NSUN6: variants seen among roughly 807,000 people sequenced by gnomAD.
NSUN6 encodes the protein NOP2/Sun RNA methyltransferase 6.
In NSUN6, 64 loss-of-function variants were observed where a neutral mutation model predicts 58.0. That is an observed-to-expected ratio of 1.10 (90% CI 0.90 to 1.36). The LOEUF (loss-of-function observed/expected upper bound fraction) is 1.36. Ranked by LOEUF, NSUN6 falls within the 40% of genes most tolerant of loss-of-function variation. The pLI is 0.00. For synonymous variants in NSUN6, 231 were observed against 193.9 expected (o/e 1.19, Z -1.59); for missense variants, 701 against 550.1 (o/e 1.27, Z -2.74).
intron 3 of NSUN6, among the ~76,000 whole-genome samples, chr10:18,639,390 A>T (rs990160252): frequency 3.3e-5 from 5 of 152,168 alleles, no homozygotes; most frequent in African/African-American, 1.2e-4. Flanking sequence ...GCTACTCGGG[A>T]GGCTGAGTCA....
chr10:18,604,698 A>T (rs2057979374), intron 6 of NSUN6, among the ~76,000 whole-genome samples: 1 of 151,720 alleles, frequency 6.6e-6, no homozygotes, highest in Non-Finnish European at 1.5e-5. Flanking sequence ...AGCCTGGCCA[A>T]CATATAGTGA....
chr10:18,636,500 C>A (rs1003912195), intron 3 of NSUN6, among the ~76,000 whole-genome samples: 2 of 149,826 alleles, frequency 1.3e-5, no homozygotes, highest in African/African-American at 2.5e-5. Context: ...ATCTCAAAAA[C>A]AAAACAAAAC....
intron 3 of NSUN6, among the ~76,000 whole-genome samples, chr10:18,626,905 C>G (rs2058830465): frequency 6.6e-6 from 1 of 152,188 alleles, no homozygotes; most frequent in South Asian, 2.1e-4. Flanking sequence ...AATGTTCTGG[C>G]CTGCTTGAAC....
At chr10:18,593,785 T>C (rs968700875) in intron 7 of NSUN6, among the ~76,000 whole-genome samples, 2 of 151,826 alleles carry the variant, frequency 1.3e-5, no homozygotes, top group African/African-American at 4.8e-5. Context: ...GATAACGGGT[T>C]GATAGGTACA....
intron 1 of NSUN6, 151 bp from the exon 2 acceptor site, chr10:18,648,796 G>A (rs2131600414): frequency 2.0e-6 from 1 of 510,268 alleles, no homozygotes; most frequent in Non-Finnish European, 3.5e-6. Flanking sequence ...TAGCAACTAA[G>A]GAAATAGTAA....
chr10:18,586,120 C>CAA, intron 7 of NSUN6, 27 bp from the exon 8 acceptor site: 1 of 1,371,084 alleles, frequency 7.3e-7, no homozygotes, highest in Non-Finnish European at 9.7e-7. Flanking sequence ...CACACACATG[C>CAA]AGAAAAAAAA....
intron 8 of NSUN6, among the ~76,000 whole-genome samples, chr10:18,553,111 A>G (rs1413039019): frequency 2.0e-5 from 3 of 148,482 alleles, no homozygotes; most frequent in African/African-American, 7.5e-5. Flanking sequence ...TCTCCATTCC[A>G]TTCCGTTCGA....
chr10:18,594,567 G>C (rs1378681686), intron 7 of NSUN6, among the ~76,000 whole-genome samples: 1 of 152,000 alleles, frequency 6.6e-6, no homozygotes, highest in African/African-American at 2.4e-5. Flanking sequence ...TCCTGCCTCA[G>C]CCTCCCAAGT....
chr10:18,585,910 G>C, intron 8 of NSUN6, 39 bp downstream of exon 8: 1 of 1,470,818 alleles, frequency 6.8e-7, no homozygotes, highest in Non-Finnish European at 9.3e-7. Context: ...ACAAATATAT[G>C]ATCTGTCAAT....
chr10:18,577,190 C>T (rs2056693285), intron 8 of NSUN6, among the ~76,000 whole-genome samples: 2 of 152,160 alleles, frequency 1.3e-5, no homozygotes, highest in Admixed American at 6.5e-5. Flanking sequence ...CAGCCTTAGA[C>T]ATGATATTAG....
rs779393307 is a variant in NSUN6 at position 18,616,271 on chromosome 10, A to G, written c.334T>C (p.Cys112Arg). The G allele has an allele frequency of 2.5e-6, 4 of 1,608,950 alleles. No individual in the cohort carries two copies. Among genetic ancestry groups the G allele is most frequent in the Non-Finnish European group, 3.4e-6 (4 of 1,175,430 alleles). ...CACTGGGCTCCAACAATGGCTTCAC[A>G]CTGTTGTTTTTTAATATTCTTTCTA... ...GPRKNIKKQQCEAIVGAQCGN... is the reference protein window; with the variant it reads ...GPRKNIKKQQREAIVGAQCGN... Residue 112 changes from cysteine to arginine, a missense_variant, in exon 4 of 11, where the codon TGT (cysteine) becomes CGT (arginine). Transcript: ENST00000377304.
intron 6 of NSUN6, among the ~76,000 whole-genome samples, chr10:18,605,722 T>C (rs1347477129): frequency 2.6e-5 from 4 of 152,200 alleles, no homozygotes; most frequent in Non-Finnish European, 5.9e-5. Flanking sequence ...ACGTCAACTT[T>C]TGTTGCACAC....
At chr10:18,574,758 G>A (rs1448995634) in intron 8 of NSUN6, among the ~76,000 whole-genome samples, 2 of 151,980 alleles carry the variant, frequency 1.3e-5, no homozygotes, top group African/African-American at 2.4e-5. Context: ...GGGAAAATTC[G>A]GAGTGAATGA....
chr10:18,575,169 C>A, intron 8 of NSUN6, among the ~76,000 whole-genome samples: 1 of 152,118 alleles, frequency 6.6e-6, no homozygotes, highest in East Asian at 1.9e-4. Flanking sequence ...GGGCCCCAGG[C>A]CATGTGTGAC....
chr10:18,597,785 A>C (rs562837120), intron 6 of NSUN6, among the ~76,000 whole-genome samples: 54 of 152,032 alleles, frequency 3.6e-4, no homozygotes, highest in East Asian at 2.5e-3. Context: ...TAAATAAATA[A>C]ATACATACAA....
chr10:18,603,681 T>C (rs972727882), intron 6 of NSUN6, among the ~76,000 whole-genome samples: 2 of 152,066 alleles, frequency 1.3e-5, no homozygotes, highest in African/African-American at 2.4e-5. Flanking sequence ...TTCACCATGT[T>C]GGCTGCGCTG....
At chr10:18,559,747 G>A (rs1564717038) in intron 8 of NSUN6, among the ~76,000 whole-genome samples, 1 of 151,136 alleles carries the variant, frequency 6.6e-6, no homozygotes, top group Non-Finnish European at 1.5e-5. Flanking sequence ...AATGGACAAT[G>A]GAGTGGAGAA....
At chr10:18,589,017 C>T (rs1699058796) in intron 7 of NSUN6, among the ~76,000 whole-genome samples, 1 of 152,104 alleles carries the variant, frequency 6.6e-6, no homozygotes, top group Admixed American at 6.5e-5. Flanking sequence ...AGCTAAGAAC[C>T]TTGATAAAAG....
At chr10:18,576,604 C>T (rs564947323) in intron 8 of NSUN6, among the ~76,000 whole-genome samples, 12 of 152,326 alleles carry the variant, frequency 7.9e-5, no homozygotes, top group African/African-American at 2.4e-4. Flanking sequence ...TGACACCCTG[C>T]AGGTCAGCCC....
Sources: gnomAD v4.1 joint callset for allele counts (sites outside exome capture counted in the v4.1 genomes callset) on GRCh38, gnomAD v4.1.1 for gene constraint, MANE v1.5 for transcripts, NCBI Gene and HGNC (gene_info 2026-07-23, HGNC 2026-07-21) for gene names.